Variants in LDLRAD3 observed in about 807,000 individuals in gnomAD.
LDLRAD3 encodes low-density lipoprotein receptor class A domain-containing protein 3.
A neutral mutation model predicts 29.4 loss-of-function variants in LDLRAD3; 20 were observed. The ratio of observed to expected loss-of-function variants is 0.68; its 90% confidence interval spans 0.48 to 0.99. The LOEUF (loss-of-function observed/expected upper bound fraction) is 0.99. Ranked by LOEUF, LDLRAD3 falls within the 50% of genes least tolerant of loss-of-function variation. The pLI is 0.00. For missense variants in LDLRAD3, 420 were observed against 454.3 expected, an observed-to-expected ratio of 0.92 and a Z score of 0.69; for synonymous variants, 157 against 192.7, an observed-to-expected ratio of 0.81 and a Z score of 1.53.
At chr11:36,189,409 G>A (rs986070298) in intron 4 of LDLRAD3, among the ~76,000 whole-genome samples, 2 of 151,960 alleles carry the variant, frequency 1.3e-5, no homozygotes, top group African/African-American at 4.8e-5. Context: ...GCTTGAACCC[G>A]AGAGGCGGAG....
chr11:36,062,650 A>T (rs1286922898), intron 2 of LDLRAD3, among the ~76,000 whole-genome samples: 1 of 152,134 alleles, frequency 6.6e-6, no homozygotes, highest in Admixed American at 6.5e-5. Flanking sequence ...GGTTACCTTC[A>T]TGCTGTTCTC....
chr11:36,158,297 C>T (rs1471818165), intron 4 of LDLRAD3, among the ~76,000 whole-genome samples: 2 of 152,080 alleles, frequency 1.3e-5, no homozygotes, highest in African/African-American at 4.8e-5. Context: ...GAAAAAGCCC[C>T]CTTGCTCTTC....
intron 3 of LDLRAD3, among the ~76,000 whole-genome samples, chr11:36,095,763 T>G (rs954773499): frequency 6.6e-6 from 1 of 152,196 alleles, no homozygotes; most frequent in African/African-American, 2.4e-5. Context: ...TCAGGACGTT[T>G]ACATAAGCTT....
At position 36,230,701 on chromosome 11, in the gene LDLRAD3, A is replaced by G. The variant is rs181986240; in HGVS notation, c.*1304A>G. 2 of 152,730 alleles carry G rather than the reference A, an allele frequency of 1.3e-5. No individual in the cohort carries two copies. Among genetic ancestry groups the G allele is most frequent in the East Asian group, 3.9e-4 (2 of 5,186 alleles). The allele number at this position is 152,730 out of a possible 1,614,324, so 9.5% of individuals were successfully genotyped here. On this transcript the variant is annotated 3_prime_UTR_variant, in exon 6 of 6. Coordinates refer to ENST00000315571, the MANE Select transcript of LDLRAD3 (RefSeq NM_174902.4). ...TTGTTTTTTCCCTTCTAGTTAAGGG[A>G]CTATTTATATGTGTATAGGAAAGCT...
chr11:36,201,390 C>T (rs1855124784), intron 4 of LDLRAD3, among the ~76,000 whole-genome samples: 1 of 152,112 alleles, frequency 6.6e-6, no homozygotes, highest in Non-Finnish European at 1.5e-5. Flanking sequence ...TTTTAGTGCC[C>T]ATTGTAAGTC....
At chr11:36,024,908 T>C (rs1395325781) in intron 1 of LDLRAD3, among the ~76,000 whole-genome samples, 1 of 152,234 alleles carries the variant, frequency 6.6e-6, no homozygotes, top group Non-Finnish European at 1.5e-5. Context: ...TCAAAAAATA[T>C]CTGACCTACT....
chr11:36,226,218 T>C (rs1423243783), intron 4 of LDLRAD3, among the ~76,000 whole-genome samples: 1 of 152,202 alleles, frequency 6.6e-6, no homozygotes, highest in Non-Finnish European at 1.5e-5. Flanking sequence ...AACTGGGCAC[T>C]ATTACATCTC....
chr11:36,030,529 G>A (rs1271406737), intron 1 of LDLRAD3, among the ~76,000 whole-genome samples: 2 of 152,234 alleles, frequency 1.3e-5, no homozygotes, highest in South Asian at 2.1e-4. Context: ...GTGGCCTCAT[G>A]ACACTATGTT....
intron 1 of LDLRAD3, among the ~76,000 whole-genome samples, chr11:35,986,968 G>A (rs1851622957): frequency 6.6e-6 from 1 of 152,178 alleles, no homozygotes; most frequent in Non-Finnish European, 1.5e-5. Context: ...TCTCACACCG[G>A]GCTGTCTGCC....
chr11:36,228,293 C>T (rs1002108592), intron 5 of LDLRAD3, among the ~76,000 whole-genome samples: 4 of 152,116 alleles, frequency 2.6e-5, no homozygotes, highest in Admixed American at 6.6e-5. Context: ...GAGAGGATGG[C>T]GCTTAAGGAT....
Position 36,081,658 on chromosome 11 carries a change from G to T in LDLRAD3, c.199G>T (p.Ala67Ser). The change falls in exon 3 of 6, where the codon GCT becomes TCT. Residue 67 changes from alanine to serine, a missense_variant. Ala to Ser is a moderately conservative substitution (Grantham distance 99). Coordinates refer to ENST00000315571, the MANE Select transcript of LDLRAD3 (RefSeq NM_174902.4). ...DKSDEKECPK[A>S]KSKCGPTFFP... ...GTTTCTTTTTCTTCCTGCAGCCAAG[G>T]CTAAGTCGAAATGTGGCCCAACCTT... The T allele has an allele frequency of 6.2e-7, 1 of 1,614,222 alleles. No individual in the cohort carries two copies.
chr11:36,162,850 C>T (rs1161556175), intron 4 of LDLRAD3, among the ~76,000 whole-genome samples: 1 of 152,204 alleles, frequency 6.6e-6, no homozygotes, highest in Non-Finnish European at 1.5e-5. Flanking sequence ...ATCCCCTTCT[C>T]ATGACAGTCT....
chr11:36,061,508 T>TA (rs1409307779), intron 2 of LDLRAD3, among the ~76,000 whole-genome samples: 1 of 152,120 alleles, frequency 6.6e-6, no homozygotes, highest in Non-Finnish European at 1.5e-5. Context: ...TAATATGTCT[T>TA]ACTGAGCTGC....
At chr11:36,001,629 A>G (rs947744879) in intron 1 of LDLRAD3, among the ~76,000 whole-genome samples, 1 of 152,202 alleles carries the variant, frequency 6.6e-6, no homozygotes, top group African/African-American at 2.4e-5. Context: ...AAAATAAAAA[A>G]GGGCTTTTGT....
intron 3 of LDLRAD3, among the ~76,000 whole-genome samples, chr11:36,088,721 C>T (rs577632298): frequency 6.6e-6 from 1 of 152,256 alleles, no homozygotes; most frequent in Non-Finnish European, 1.5e-5. Context: ...GAGAATTTTT[C>T]CTCCCAGTAC....
intron 1 of LDLRAD3, among the ~76,000 whole-genome samples, chr11:35,991,306 T>C (rs890768941): frequency 1.3e-5 from 2 of 152,200 alleles, no homozygotes; most frequent in Non-Finnish European, 2.9e-5. Context: ...ACACAAATGG[T>C]TACCCAAAAT....
intron 2 of LDLRAD3, among the ~76,000 whole-genome samples, chr11:36,050,677 G>A (rs1421091311): frequency 2.6e-5 from 4 of 152,190 alleles, no homozygotes; most frequent in Non-Finnish European, 5.9e-5. Context: ...GGCACTCAGA[G>A]CCTATACTGA....
intron 4 of LDLRAD3, 74 bp from the exon 5 acceptor site, chr11:36,227,011 G>A (rs968017153): frequency 4.2e-6 from 5 of 1,187,256 alleles, no homozygotes; most frequent in East Asian, 4.8e-5. Context: ...CAAGTTCTGG[G>A]GCTGATGTTG....
intron 3 of LDLRAD3, among the ~76,000 whole-genome samples, chr11:36,083,735 TACACAC>T (rs59333454): frequency 0.2 from 25,777 of 126,560 alleles, 2,445 homozygotes; most frequent in East Asian, 0.33. Context: ...AGGGAGAAAT[TACACAC>T]ACACACACAC....
Sources: gnomAD v4.1 joint callset for allele counts (sites outside exome capture counted in the v4.1 genomes callset) on GRCh38, gnomAD v4.1.1 for gene constraint, MANE v1.5 for transcripts, NCBI Gene and HGNC (gene_info 2026-07-23, HGNC 2026-07-21) for gene names.